The following AGBL1 variants were observed in gnomAD, a reference collection of about 807,000 sequenced individuals.
AGBL1 encodes the protein AGBL carboxypeptidase 1.
AGBL1 carries 130 observed loss-of-function variants against 118.9 expected under a neutral mutation model. The ratio of observed to expected loss-of-function variants is 1.09; its 90% CI spans 0.95 to 1.26. The LOEUF is 1.26. Among genes scored for constraint, AGBL1 ranks in the 50% most tolerant of loss-of-function variants. AGBL1 has a pLI of 0.00. For synonymous variants in AGBL1, 555 were observed against 478.9 expected, an observed-to-expected ratio of 1.16 and a Z score of -2.08; for missense variants, 1,584 against 1,298.1, an observed-to-expected ratio of 1.22 and a Z score of -3.38.
At chr15:86,473,185 G>A (rs1039429225) in intron 18 of AGBL1, among the ~76,000 whole-genome samples, 2 of 152,130 alleles carry the variant, frequency 1.3e-5, no homozygotes, top group Non-Finnish European at 2.9e-5. Flanking sequence ...CAAAAATATA[G>A]GTTTGGGTAC....
intron 18 of AGBL1, among the ~76,000 whole-genome samples, chr15:86,518,154 G>A (rs150428341): frequency 1.3e-3 from 194 of 152,028 alleles, no homozygotes; most frequent in Non-Finnish European, 2.1e-3. Context: ...GTATTGGGAC[G>A]GCAGCCCTAT....
intron 21 of AGBL1, among the ~76,000 whole-genome samples, chr15:86,563,830 A>G (rs956692566): frequency 2.0e-5 from 3 of 152,094 alleles, no homozygotes; most frequent in African/African-American, 7.2e-5. Context: ...TTGGGTGCAT[A>G]TATATTTAGG....
chr15:86,452,146 A>G (rs1488927821), intron 18 of AGBL1, among the ~76,000 whole-genome samples: 5 of 152,136 alleles, frequency 3.3e-5, no homozygotes, highest in African/African-American at 1.2e-4. Context: ...CTCTAGACTC[A>G]TCTCCTAACA....
At chr15:86,087,165 G>A (rs1462854041) in intron 1 of AGBL1, among the ~76,000 whole-genome samples, 4 of 152,122 alleles carry the variant, frequency 2.6e-5, no homozygotes, top group Non-Finnish European at 5.9e-5. Context: ...AGTGATTTGA[G>A]ATGCCCTGCA....
intron 5 of AGBL1, among the ~76,000 whole-genome samples, chr15:86,223,798 T>C (rs1283416715): frequency 6.6e-6 from 1 of 152,208 alleles, no homozygotes; most frequent in Non-Finnish European, 1.5e-5. Flanking sequence ...GCTTTTCTAC[T>C]GTATTTTACT....
chr15:86,394,281 G>A (rs796081794), intron 17 of AGBL1, among the ~76,000 whole-genome samples: 15 of 152,180 alleles, frequency 9.9e-5, no homozygotes, highest in African/African-American at 3.6e-4. Flanking sequence ...TTCAGAATTC[G>A]TTTTATAAAG....
At chr15:86,539,735 G>A (rs2083469439) in intron 19 of AGBL1, among the ~76,000 whole-genome samples, 1 of 152,088 alleles carries the variant, frequency 6.6e-6, no homozygotes, top group East Asian at 1.9e-4. Flanking sequence ...TTCATCTTAT[G>A]TATAACCTCC....
In AGBL1 at chr15:86,911,387, G is replaced by A. The variant is rs1307461318; in HGVS notation, c.*4093G>A. ...GACTTGCCACCCACGAGCCCTCAAG[G>A]GTGGAAACTACTGACCCCTTCGTAA... On this transcript the variant is annotated 3_prime_UTR_variant, in exon 23 of 23. Coordinates refer to ENST00000614907, the MANE Select transcript of AGBL1 (RefSeq NM_001386094.1). 6.6e-6 allele frequency: 1 copy of A among 152,190 alleles called. No individual in the cohort carries two copies. The highest frequency in any genetic ancestry group is 1.5e-5 in the Non-Finnish European group (1 of 68,076). The allele number at this position is 152,190 out of a possible 1,614,324, so 9.4% of individuals were successfully genotyped here. A position where few individuals can be genotyped will look rare whatever the true frequency, so the allele number is the denominator to read the frequency against.
chr15:86,156,602 C>T (rs1490591183), intron 4 of AGBL1, among the ~76,000 whole-genome samples: 1 of 152,240 alleles, frequency 6.6e-6, no homozygotes, highest in Non-Finnish European at 1.5e-5. Context: ...TGTTCATGGG[C>T]ATGTTCGTCA....
At chr15:86,164,565 T>C (rs983094409) in intron 5 of AGBL1, among the ~76,000 whole-genome samples, 6 of 152,196 alleles carry the variant, frequency 3.9e-5, no homozygotes, top group Non-Finnish European at 7.3e-5. Context: ...CCATTTCCAC[T>C]GGCCACGTGC....
At chr15:86,432,358 G>T (rs1187049503) in intron 18 of AGBL1, among the ~76,000 whole-genome samples, 1 of 152,034 alleles carries the variant, frequency 6.6e-6, no homozygotes, top group Non-Finnish European at 1.5e-5. Flanking sequence ...CAGTTTCTTG[G>T]ACTTTGTTTT....
intron 22 of AGBL1, among the ~76,000 whole-genome samples, chr15:86,832,354 C>T (rs1459445991): frequency 6.6e-6 from 1 of 152,178 alleles, no homozygotes; most frequent in African/African-American, 2.4e-5. Context: ...TGCAAATTTT[C>T]TGAACTTTTA....
At chr15:86,389,610 A>G (rs75996812) in intron 17 of AGBL1, among the ~76,000 whole-genome samples, 2,482 of 152,276 alleles carry the variant, frequency 0.016, 27 homozygotes, top group Middle Eastern at 0.065. Context: ...AAGAGTAAAT[A>G]TGTGGTTTAA....
intron 5 of AGBL1, among the ~76,000 whole-genome samples, chr15:86,196,631 A>G (rs1322554130): frequency 6.6e-6 from 1 of 152,102 alleles, no homozygotes; most frequent in African/African-American, 2.4e-5. Flanking sequence ...GTAGATCACT[A>G]ACAACGTTTT....
chr15:86,118,916 G>C (rs1897928300), intron 1 of AGBL1, among the ~76,000 whole-genome samples: 1 of 152,122 alleles, frequency 6.6e-6, no homozygotes, highest in Non-Finnish European at 1.5e-5. Flanking sequence ...TACCAGACAG[G>C]GTACCAGGAA....
At chr15:86,579,989 C>A (rs2084151780) in intron 21 of AGBL1, among the ~76,000 whole-genome samples, 1 of 152,146 alleles carries the variant, frequency 6.6e-6, no homozygotes, top group Admixed American at 6.5e-5. Context: ...GAAAGTGAAG[C>A]ATAGGCAGGG....
intron 17 of AGBL1, chr15:86,296,756 G>A (rs1305848888): frequency 6.6e-6 from 1 of 152,190 alleles, no homozygotes; most frequent in Non-Finnish European, 1.5e-5. Context: ...AGCAATTTCT[G>A]TAACAGTCAC....
intron 22 of AGBL1, among the ~76,000 whole-genome samples, chr15:86,887,781 G>A (rs1347844537): frequency 6.6e-6 from 1 of 151,930 alleles, no homozygotes; most frequent in African/African-American, 2.4e-5. Flanking sequence ...TAATGTCAAA[G>A]GACTTCGACA....
At chr15:86,360,932 C>T (rs76904867) in intron 17 of AGBL1, among the ~76,000 whole-genome samples, 3,537 of 151,846 alleles carry the variant, frequency 0.023, 56 homozygotes, top group Middle Eastern at 0.066. Context: ...AATAAACTTT[C>T]AGTTTTGTTA....
Sources: allele counts gnomAD v4.1 joint callset (sites outside exome capture counted in the v4.1 genomes callset), GRCh38; gene constraint gnomAD v4.1.1; transcripts MANE v1.5; gene names NCBI Gene and HGNC (gene_info 2026-07-23, HGNC 2026-07-21).